The following NRXN3 variants were observed in gnomAD, a reference collection of about 807,000 sequenced individuals.
NRXN3 encodes the protein neurexin 3.
NRXN3 carries 32 observed loss-of-function variants against 137.6 expected under a neutral mutation model. That is an observed-to-expected ratio of 0.23 (90% CI 0.18 to 0.31). The LOEUF (loss-of-function observed/expected upper bound fraction) is 0.31. Ranked by LOEUF, NRXN3 falls within the 10% of genes least tolerant of loss-of-function variation. NRXN3 has a pLI of 1.00. For synonymous variants in NRXN3, 798 were observed against 784.5 expected (o/e 1.02, Z -0.29); for missense variants, 1,574 against 2,062.5 (o/e 0.76, Z 4.59).
intron 19 of NRXN3, among the ~76,000 whole-genome samples, chr14:79,754,416 G>C (rs2099010320): frequency 6.7e-6 from 1 of 148,822 alleles, no homozygotes; most frequent in South Asian, 2.1e-4. Flanking sequence ...TTAGGGACTT[G>C]AACATCTCCA....
intron 6 of NRXN3, among the ~76,000 whole-genome samples, chr14:78,694,012 A>G (rs1594814313): frequency 6.6e-6 from 1 of 151,920 alleles, no homozygotes; most frequent in South Asian, 2.1e-4. Flanking sequence ...TTACCTTCCT[A>G]TTTCAAAACC....
intron 4 of NRXN3, among the ~76,000 whole-genome samples, chr14:78,382,554 C>A (rs937883087): frequency 1.3e-5 from 2 of 152,110 alleles, no homozygotes; most frequent in Non-Finnish European, 2.9e-5. Context: ...GTTAGGAAAC[C>A]CTTGTGGTTA....
intron 15 of NRXN3, among the ~76,000 whole-genome samples, chr14:79,307,199 T>C (rs1285527663): frequency 4.6e-5 from 7 of 152,094 alleles, no homozygotes; most frequent in Non-Finnish European, 1.0e-4. Flanking sequence ...TTTCCTCATA[T>C]GGAAATGAGC....
chr14:79,127,289 T>C (rs1474171673), intron 15 of NRXN3, among the ~76,000 whole-genome samples: 3 of 152,202 alleles, frequency 2.0e-5, no homozygotes, highest in Admixed American at 1.3e-4. Flanking sequence ...GGTTTTCTTC[T>C]AGGGTTTTTA....
At chr14:79,504,670 T>TATATATATATATATATATATATATATAA (rs1297701522) in intron 16 of NRXN3, among the ~76,000 whole-genome samples, 2 of 143,116 alleles carry the variant, frequency 1.4e-5, no homozygotes, top group African/African-American at 5.3e-5. Flanking sequence ...TATATATATA[T>TATATATATATATATATATATATATATAA]ATATAAAACA....
intron 8 of NRXN3, among the ~76,000 whole-genome samples, chr14:78,775,061 C>T (rs931743924): frequency 2.6e-5 from 4 of 152,190 alleles, no homozygotes; most frequent in African/African-American, 9.6e-5. Context: ...GTAGATTTAT[C>T]TGTATCTATC....
At chr14:79,432,908 T>C (rs1453585315) in intron 15 of NRXN3, among the ~76,000 whole-genome samples, 3 of 152,170 alleles carry the variant, frequency 2.0e-5, no homozygotes, top group Admixed American at 6.5e-5. Flanking sequence ...GCAGTAAATG[T>C]ATGGACTGAG....
chr14:79,069,426 G>A (rs992619585), intron 15 of NRXN3, among the ~76,000 whole-genome samples: 2 of 151,972 alleles, frequency 1.3e-5, no homozygotes, highest in Admixed American at 6.6e-5. Context: ...TGTCTCTGTG[G>A]AATTTTCTTC....
At chr14:79,184,405 A>T (rs1278255393) in intron 15 of NRXN3, among the ~76,000 whole-genome samples, 2 of 152,256 alleles carry the variant, frequency 1.3e-5, no homozygotes, top group Admixed American at 1.3e-4. Context: ...TCAGGTTTCC[A>T]TCATCCTTCT....
chr14:78,232,715 T>A (rs2065617110), intron 1 of NRXN3, among the ~76,000 whole-genome samples: 1 of 152,152 alleles, frequency 6.6e-6, no homozygotes, highest in Non-Finnish European at 1.5e-5. Flanking sequence ...TGGCTTTCAA[T>A]TGAATCTTTT....
chr14:78,223,330 T>C (rs887000522), intron 1 of NRXN3, among the ~76,000 whole-genome samples: 1 of 152,254 alleles, frequency 6.6e-6, no homozygotes, highest in Non-Finnish European at 1.5e-5. Context: ...CTTTCTTTTC[T>C]CTTTTTGCCT....
chr14:79,019,901 G>T (rs2099585849), intron 15 of NRXN3, among the ~76,000 whole-genome samples: 1 of 152,092 alleles, frequency 6.6e-6, no homozygotes, highest in South Asian at 2.1e-4. Context: ...ATTGAAAGGG[G>T]AGTTAGACTT....
chr14:78,611,437 T>C (rs547298705), intron 4 of NRXN3, among the ~76,000 whole-genome samples: 3,589 of 150,866 alleles, frequency 0.024, 58 homozygotes, highest in Non-Finnish European at 0.04. Flanking sequence ...TTTTTTTTTT[T>C]CCTTCTCTCT....
chr14:79,061,835 G>A (rs759407779), intron 15 of NRXN3, among the ~76,000 whole-genome samples: 13 of 152,098 alleles, frequency 8.5e-5, no homozygotes, highest in Non-Finnish European at 1.5e-4. Flanking sequence ...CCCTTATGTC[G>A]GTGGACTAAC....
At chr14:79,386,530 G>C (rs2094624144) in intron 15 of NRXN3, among the ~76,000 whole-genome samples, 1 of 152,090 alleles carries the variant, frequency 6.6e-6, no homozygotes, top group Non-Finnish European at 1.5e-5. Context: ...TACTGCCCAA[G>C]GTAATTTATA....
chr14:78,365,768 A>G (rs1013145171), intron 4 of NRXN3, among the ~76,000 whole-genome samples: 2 of 152,256 alleles, frequency 1.3e-5, no homozygotes, highest in African/African-American at 4.8e-5. Context: ...TAAATCTAAC[A>G]AATGTTTACT....
chr14:78,568,257 G>A (rs1385666733), intron 4 of NRXN3, among the ~76,000 whole-genome samples: 1 of 152,158 alleles, frequency 6.6e-6, no homozygotes, highest in Non-Finnish European at 1.5e-5. Context: ...AGTGCTTTGG[G>A]ATTAGTGCTC....
At chr14:79,246,095 T>A (rs1419225222) in intron 15 of NRXN3, among the ~76,000 whole-genome samples, 1 of 152,176 alleles carries the variant, frequency 6.6e-6, no homozygotes, top group Non-Finnish European at 1.5e-5. Flanking sequence ...TCAATGTAGT[T>A]TTCCTATTCC....
intron 16 of NRXN3, among the ~76,000 whole-genome samples, chr14:79,627,633 G>T (rs984523549): frequency 6.6e-6 from 1 of 152,124 alleles, no homozygotes; most frequent in Non-Finnish European, 1.5e-5. Context: ...TTTGTTCAAT[G>T]AATATGAGAA....
Sources: gnomAD v4.1 joint callset for allele counts (sites outside exome capture counted in the v4.1 genomes callset) on GRCh38, gnomAD v4.1.1 for gene constraint, MANE v1.5 for transcripts, NCBI Gene and HGNC (gene_info 2026-07-23, HGNC 2026-07-21) for gene names.